MON2: variants seen among roughly 807,000 people sequenced by gnomAD.
The protein encoded by MON2 is protein MON2 homolog.
MON2 carries 84 observed loss-of-function variants against 208.6 expected under a neutral mutation model. That is an observed-to-expected ratio of 0.40 (90% CI 0.34 to 0.48). MON2 has a LOEUF of 0.48. MON2 is among the 20% of genes least tolerant of loss of function. The probability of loss-of-function intolerance (pLI) is 0.59; values close to 1 mark genes in which losing one functional copy is unlikely to be tolerated. For missense variants in MON2, 1,611 were observed against 2,015.4 expected, an observed-to-expected ratio of 0.80 and a Z score of 3.84; for synonymous variants, 660 against 694.0, an observed-to-expected ratio of 0.95 and a Z score of 0.77.
At chr12:62,585,527 A>G (rs774917943) in intron 33 of MON2, 26 bp downstream of exon 33, 8 of 1,502,940 alleles carry the variant, frequency 5.3e-6, no homozygotes, top group South Asian at 1.2e-5. Flanking sequence ...TATTAAAGAA[A>G]TAAATGTATT....
At chr12:62,550,476 C>G (rs2073691683) in intron 23 of MON2, among the ~76,000 whole-genome samples, 1 of 152,118 alleles carries the variant, frequency 6.6e-6, no homozygotes, top group Admixed American at 6.6e-5. Context: ...GAGCTATGAT[C>G]ACAGCACTGC....
Position 62,592,379 on chromosome 12 carries a change from G to A in MON2, c.4991-207G>A, listed in dbSNP as rs1352472052. ...ATCAAATTTATTGTTACTGATGACTGCACACTGAGCATATATTTTTTCCCA... is the reference window on the plus strand; with the variant it reads ...ATCAAATTTATTGTTACTGATGACTACACACTGAGCATATATTTTTTCCCA... On this transcript the variant is annotated intron_variant, in intron 34 of 34. Transcript: ENST00000393630. 3.9e-5 allele frequency among the ~76,000 whole-genome samples: 6 copies of A among 152,206 alleles called. 1 individual carries two copies. Among genetic ancestry groups the A allele is most frequent in the African/African-American group, 1.4e-4 (6 of 41,530 alleles).
intron 30 of MON2, among the ~76,000 whole-genome samples, chr12:62,576,638 A>T (rs186966544): frequency 6.6e-6 from 1 of 152,022 alleles, no homozygotes. Context: ...AAGATCTTAC[A>T]TGGCTTATTT....
At chr12:62,491,240 T>C (rs2070118447) in intron 2 of MON2, among the ~76,000 whole-genome samples, 1 of 152,156 alleles carries the variant, frequency 6.6e-6, no homozygotes, top group South Asian at 2.1e-4. Context: ...ATGGGTGCCA[T>C]TGACTTAGAA....
intron 8 of MON2, among the ~76,000 whole-genome samples, chr12:62,522,191 GAA>G (rs889163585): frequency 6.8e-6 from 1 of 146,004 alleles, no homozygotes; most frequent in African/African-American, 2.5e-5. Context: ...TCTCAAAAGA[GAA>G]AAAAAAAAGA....
Position 62,600,303 on chromosome 12 carries a change from C to T in MON2, c.*7554C>T, listed in dbSNP as rs2136553341. ...ATAGGGACCAATTTTTTGCCTTTCACCAGACAACCACTGAATGTTAAGAAT... is the reference window on the plus strand; with the variant it reads ...ATAGGGACCAATTTTTTGCCTTTCATCAGACAACCACTGAATGTTAAGAAT... On this transcript the variant is annotated 3_prime_UTR_variant, in exon 35 of 35. Coordinates refer to ENST00000393630, the MANE Select transcript of MON2 (RefSeq NM_015026.3). 2 of 152,278 alleles carry T rather than the reference C, an allele frequency of 1.3e-5. No homozygotes were observed. Among genetic ancestry groups the T allele is most frequent in the African/African-American group, 4.8e-5 (2 of 41,552 alleles). The allele number at this position is 152,278 out of a possible 1,614,324, so 9.4% of individuals were successfully genotyped here.
chr12:62,469,226 A>T (rs1165160812), intron 1 of MON2, among the ~76,000 whole-genome samples: 2 of 150,696 alleles, frequency 1.3e-5, no homozygotes, highest in African/African-American at 4.9e-5. Context: ...TACAGGTGTG[A>T]ACCACCATGC....
intron 2 of MON2, among the ~76,000 whole-genome samples, chr12:62,487,737 A>T (rs2069883399): frequency 6.6e-6 from 1 of 152,110 alleles, no homozygotes; most frequent in African/African-American, 2.4e-5. Flanking sequence ...ACAAACATCT[A>T]TAGAATATAT....
intron 8 of MON2, among the ~76,000 whole-genome samples, chr12:62,516,430 C>T (rs929516943): frequency 6.6e-6 from 1 of 152,058 alleles, no homozygotes; most frequent in Non-Finnish European, 1.5e-5. Flanking sequence ...AGAGGCCAGG[C>T]GCCATGGCTC....
chr12:62,505,696 C>T (rs2071062511), intron 7 of MON2, among the ~76,000 whole-genome samples: 1 of 149,860 alleles, frequency 6.7e-6, no homozygotes, highest in Non-Finnish European at 1.5e-5. Context: ...GCCTGGGCAA[C>T]ATAGTGAGAC....
chr12:62,534,797 G>T (rs1186920268), intron 12 of MON2, 48 bp from the exon 13 acceptor site: 3 of 1,340,760 alleles, frequency 2.2e-6, no homozygotes, highest in Admixed American at 3.4e-5. Flanking sequence ...AATACATATT[G>T]TGCTATCTAT....
intron 1 of MON2, chr12:62,483,008 T>C (rs2069538544): frequency 6.6e-6 from 1 of 152,004 alleles, no homozygotes; most frequent in African/African-American, 2.4e-5. Flanking sequence ...CACTCCAGGC[T>C]GGGCAGTACA....
At chr12:62,509,339 T>G (rs981379924) in intron 8 of MON2, among the ~76,000 whole-genome samples, 3 of 152,150 alleles carry the variant, frequency 2.0e-5, no homozygotes, top group Admixed American at 6.5e-5. Flanking sequence ...GGTCTTGAAC[T>G]CCTGACCTCA....
chr12:62,587,090 G>A (rs2075242367), intron 33 of MON2, among the ~76,000 whole-genome samples: 1 of 152,118 alleles, frequency 6.6e-6, no homozygotes, highest in Admixed American at 6.6e-5. Context: ...AGGGATGAGG[G>A]CGGACCAGAG....
At chr12:62,571,268 G>A in intron 29 of MON2, 124 bp from the exon 30 acceptor site, 1 of 747,822 alleles carries the variant, frequency 1.3e-6, no homozygotes, top group East Asian at 2.8e-5. Context: ...CTTTTTAAAT[G>A]AAAATACCAT....
At chr12:62,588,295 G>A (rs541041270) in intron 34 of MON2, 139 bp downstream of exon 34, 24 of 585,732 alleles carry the variant, frequency 4.1e-5, no homozygotes, top group Non-Finnish European at 7.1e-5. Context: ...TGACAACAAA[G>A]CATCAAGTCC....
At position 62,560,778 on chromosome 12, in the gene MON2, G is replaced by C. The variant is rs750187785; in HGVS notation, c.3697G>C (p.Glu1233Gln). The change falls in exon 26 of 35, where the codon GAG becomes CAG. Residue 1233 changes from glutamate to glutamine, a missense_variant. Glu to Gln is a conservative substitution (Grantham distance 29). Coordinates refer to ENST00000393630, the MANE Select transcript of MON2 (RefSeq NM_015026.3). Reference sequence around the variant, plus strand: ...CTCTGAGCCACCCATTGTTACTGATGAGCTTGAAGATTTGAATCTATGGTG... The same window carrying C: ...CTCTGAGCCACCCATTGTTACTGATCAGCTTGAAGATTTGAATCTATGGTG... ...SSSEPPIVTD[E>Q]LEDLNLWWAA... is the part of the protein sequence containing the mutation. The C allele has an allele frequency of 6.2e-6, 10 of 1,614,100 alleles. No individual in the cohort carries two copies. The Admixed American group carries it at 1.7e-4, about 27-fold the overall frequency.
intron 23 of MON2, among the ~76,000 whole-genome samples, chr12:62,552,189 GCA>G (rs879872284): frequency 2.6e-5 from 4 of 152,112 alleles, no homozygotes; most frequent in Non-Finnish European, 5.9e-5. Context: ...ATTTGGGTAT[GCA>G]GTGGGAGGTC....
Position 62,560,473 on chromosome 12 carries a change from T to C in MON2, c.3410-18T>C. 6.4e-7 allele frequency: 1 copy of C among 1,564,020 alleles called. No homozygotes were observed. The highest frequency in any genetic ancestry group is 8.6e-7 in the Non-Finnish European group (1 of 1,161,568). ...ATCGCTTTTATGATAATAGTTTTTT[T>C]TTCTCTTCCTAATATAGGAGATTTT... On this transcript the variant is annotated intron_variant, in intron 25 of 34. Transcript: ENST00000393630.
Sources: gnomAD v4.1 joint callset for allele counts (sites outside exome capture counted in the v4.1 genomes callset) on GRCh38, gnomAD v4.1.1 for gene constraint, MANE v1.5 for transcripts, NCBI Gene and HGNC (gene_info 2026-07-23, HGNC 2026-07-21) for gene names.